Variants in SLC6A14 observed in about 807,000 individuals in gnomAD.
SLC6A14 encodes the protein solute carrier family 6 member 14.
SLC6A14 carries 21 observed loss-of-function variants against 51.4 expected under a neutral mutation model. That is an observed-to-expected ratio of 0.41 (90% CI 0.29 to 0.59). SLC6A14 has a LOEUF of 0.59. SLC6A14 is among the 20% of genes least tolerant of loss of function. The probability of loss-of-function intolerance (pLI) is 0.31; values close to 1 mark genes in which losing one functional copy is unlikely to be tolerated. For synonymous variants in SLC6A14, 177 were observed against 160.7 expected (o/e 1.10, Z -0.77); for missense variants, 371 against 472.8 (o/e 0.78, Z 2.00).
chrX:116,448,160 C>A (rs1409619417), intron 7 of SLC6A14, among the ~76,000 whole-genome samples: 10 of 111,700 alleles, frequency 9.0e-5, no homozygotes, highest in African/African-American at 3.2e-4. Flanking sequence ...GTAAGCAGTG[C>A]CAAATTTATT....
chrX:116,448,211 C>T (rs1236149692), intron 7 of SLC6A14, among the ~76,000 whole-genome samples: 3 of 111,948 alleles, frequency 2.7e-5, no homozygotes, highest in African/African-American at 9.7e-5. Flanking sequence ...TTACAATTAC[C>T]TTTCTGAAAA....
chrX:116,453,654 G>A (rs1330303311), intron 9 of SLC6A14, among the ~76,000 whole-genome samples: 1 of 110,661 alleles, frequency 9.0e-6, no homozygotes, highest in African/African-American at 3.3e-5. Flanking sequence ...CCATAATAAT[G>A]GGCATATGAA....
intron 4 of SLC6A14, 39 bp from the exon 5 acceptor site, chrX:116,443,600 AAACT>A (rs782517641): frequency 3.1e-5 from 29 of 936,198 alleles, no homozygotes; most frequent in Non-Finnish European, 4.1e-5. Flanking sequence ...TAATCTTCTA[AAACT>A]AAGTACATGT....
At chrX:116,449,781 T>C (rs1266603765) in intron 7 of SLC6A14, among the ~76,000 whole-genome samples, 1 of 111,315 alleles carries the variant, frequency 9.0e-6, no homozygotes, top group African/African-American at 3.3e-5. Flanking sequence ...CAAAAACAAA[T>C]GGAACTTGGT....
chrX:116,456,521 T>C (rs1927938107), intron 12 of SLC6A14, among the ~76,000 whole-genome samples: 1 of 111,223 alleles, frequency 9.0e-6, no homozygotes, highest in Non-Finnish European at 1.9e-5. Context: ...AAGGTCTAGC[T>C]GGATCACTTA....
intron 2 of SLC6A14, among the ~76,000 whole-genome samples, chrX:116,439,461 A>T (rs1456689826): frequency 9.0e-6 from 1 of 111,342 alleles, no homozygotes; most frequent in Non-Finnish European, 1.9e-5. Flanking sequence ...TGTTTCTAAA[A>T]TCTGGAAATA....
chrX:116,440,528 A>G (rs1181003348), intron 2 of SLC6A14, among the ~76,000 whole-genome samples: 4 of 112,075 alleles, frequency 3.6e-5, no homozygotes, highest in African/African-American at 1.3e-4. Context: ...GTTTTCACAT[A>G]GGCCCTGTAT....
intron 3 of SLC6A14, among the ~76,000 whole-genome samples, chrX:116,441,946 T>C (rs1927605737): frequency 8.9e-6 from 1 of 112,325 alleles, no homozygotes; most frequent in African/African-American, 3.2e-5. Flanking sequence ...AATGTTGATT[T>C]ATAGATGAAT....
rs782036917 is a variant in SLC6A14 at position 116,458,828 on chromosome X, G to C, written c.1802G>C (p.Arg601Thr). ...NIFQRLISCC[R>T]PASNWGPYLE... Reference sequence around the variant, plus strand: ...TTTCAGCGCCTTATAAGTTGCTGCAGACCAGCTTCTAACTGGGGTCCATAC... The same window carrying C: ...TTTCAGCGCCTTATAAGTTGCTGCACACCAGCTTCTAACTGGGGTCCATAC... Residue 601 changes from arginine (R) to threonine (T), a missense_variant, in exon 14 of 14, where the codon AGA (arginine) becomes ACA (threonine). Around this residue, in one of 2 missense-constraint regions of SLC6A14, gnomAD observed 94 missense variants for 81.0 expected, o/e 1.16. Transcript: ENST00000598581. 8.4e-7 allele frequency: 1 copy of C among 1,191,582 alleles called. No individual in the cohort carries two copies. Among genetic ancestry groups the C allele is most frequent in the South Asian group, 1.9e-5 (1 of 52,378 alleles).
rs1441751186 is a variant in SLC6A14 at position 116,459,605 on chromosome X, G to T, written c.*650G>T. ...AAGTGAAATAAGATGGAAAAATAAG[G>T]ATCCTACAGCCAGTAAGTGATAAAT... On this transcript the variant is annotated 3_prime_UTR_variant, in exon 14 of 14. Transcript: ENST00000598581. 8.9e-6 allele frequency: 1 copy of T among 111,800 alleles called. No individual in the cohort carries two copies. Among genetic ancestry groups the T allele is most frequent in the Non-Finnish European group, 1.9e-5 (1 of 52,997 alleles). 9.2% of individuals were successfully genotyped at this position (111,800 alleles called of 1,213,427 possible).
At position 116,444,467 on chromosome X, in the gene SLC6A14, C is replaced by T. The variant is rs150402817; in HGVS notation, c.657-451C>T. On this transcript the variant is annotated intron_variant, in intron 5 of 13. Transcript: ENST00000598581. ...TTTTACAGAAAGTCTGTGGAAAAGG[C>T]GTGAATAACAGGATCATTTGAGTTT... Among the ~76,000 whole-genome samples the T allele has an allele frequency of 1.6e-4, 18 of 111,324 alleles. No individual in the cohort carries two copies. The East Asian group carries it at 2.5e-3, about 16-fold the overall frequency.
intron 3 of SLC6A14, among the ~76,000 whole-genome samples, chrX:116,442,336 C>T (rs1309855196): frequency 8.9e-6 from 1 of 111,909 alleles, no homozygotes; most frequent in Non-Finnish European, 1.9e-5. Flanking sequence ...TGGATCTAGG[C>T]TCACAGCAAC....
rs1372216046 is a variant in SLC6A14, at chrX:116,454,856, T to C, written c.1405-121T>C. 9.8e-6 allele frequency: 5 copies of C among 512,713 alleles called. No individual in the cohort carries two copies. The Admixed American group carries it at 1.9e-4, about 20-fold the overall frequency. The allele number at this position is 512,713 out of a possible 1,213,427, so 42.3% of individuals were successfully genotyped here. A position where few individuals can be genotyped will look rare whatever the true frequency, so the allele number is the denominator to read the frequency against. On this transcript the variant is annotated intron_variant, in intron 10 of 13. Transcript: ENST00000598581. ...CATTTGAAACATTGCTTTTCGCATT[T>C]TAGCAGAAGGGAAACTAAGGAGCAT... is the stretch of plus-strand genomic sequence containing the variant.
intron 4 of SLC6A14, among the ~76,000 whole-genome samples, chrX:116,443,098 C>T (rs1202449513): frequency 9.1e-6 from 1 of 110,475 alleles, no homozygotes; most frequent in Non-Finnish European, 1.9e-5. Flanking sequence ...AGAGGAGAAA[C>T]TGAGAAAATG....
intron 7 of SLC6A14, among the ~76,000 whole-genome samples, chrX:116,450,483 A>T (rs1162113800): frequency 8.9e-6 from 1 of 111,805 alleles, no homozygotes; most frequent in Non-Finnish European, 1.9e-5. Context: ...GATTTAGTAG[A>T]AGGGAGGAAT....
intron 7 of SLC6A14, among the ~76,000 whole-genome samples, chrX:116,447,591 C>CTTTTTTTTTTTTTTTTT (rs782273399): frequency 1.1e-5 from 1 of 91,939 alleles, no homozygotes. Flanking sequence ...GCTTTCACTT[C>CTTTTTTTTTTTTTTTTT]TTTTTTTTTT....
At chrX:116,451,742 A>G in intron 8 of SLC6A14, 72 bp downstream of exon 8, 1 of 598,223 alleles carries the variant, frequency 1.7e-6, no homozygotes, top group East Asian at 3.6e-5. Flanking sequence ...AATAGAATTT[A>G]TAGAAATTTA....
At chrX:116,445,181 A>G in intron 6 of SLC6A14, 131 bp downstream of exon 6, 1 of 618,649 alleles carries the variant, frequency 1.6e-6, no homozygotes. Flanking sequence ...AGCTTTCTAA[A>G]TAGTGATTTT....
chrX:116,460,559 C>CTTTTTTTTT lies in SLC6A14; in HGVS notation c.*1610_*1618dup, dbSNP rs1224657556. 1 of 88,824 alleles carries CTTTTTTTTT rather than the reference C, an allele frequency of 1.1e-5. No homozygotes were observed. Among genetic ancestry groups the CTTTTTTTTT allele is most frequent in the African/African-American group, 4.4e-5 (1 of 22,949 alleles). 7.3% of individuals were successfully genotyped at this position (88,824 alleles called of 1,213,427 possible). A position where few individuals can be genotyped will look rare whatever the true frequency, so the allele number is the denominator to read the frequency against. ...TCTGAGGGTTTTCTTTTTCTTTTTC[C>CTTTTTTTTT]TTTTTTTTTTTTTTGGTGGGGGGCT... On this transcript the variant is annotated 3_prime_UTR_variant, in exon 14 of 14. Coordinates refer to ENST00000598581, the MANE Select transcript of SLC6A14 (RefSeq NM_007231.5).
Sources: gnomAD v4.1 joint callset for allele counts (sites outside exome capture counted in the v4.1 genomes callset) on GRCh38, gnomAD v4.1.1 for gene constraint, gnomAD v4.1.1 regional missense constraint, MANE v1.5 for transcripts, NCBI Gene and HGNC (gene_info 2026-07-23, HGNC 2026-07-21) for gene names.